The following SNX18 variants were observed in gnomAD, a reference collection of about 807,000 sequenced individuals.
The protein encoded by SNX18 is sorting nexin 18.
A neutral mutation model predicts 48.7 loss-of-function variants in SNX18; 35 were observed. The observed-to-expected ratio is 0.72, with a 90% CI of 0.55 to 0.95. The LOEUF (loss-of-function observed/expected upper bound fraction) is 0.95, where lower values mean the gene tolerates loss of function less well. Among genes scored for constraint, SNX18 ranks in the 40% least tolerant of loss-of-function variants. The pLI is 0.00. For synonymous variants in SNX18, 492 were observed against 384.7 expected, an observed-to-expected ratio of 1.28 and a Z score of -3.26; for missense variants, 824 against 871.0, an observed-to-expected ratio of 0.95 and a Z score of 0.68.
the SNX18 span, among the ~76,000 whole-genome samples, chr5:54,625,101 T>A: frequency 6.6e-6 from 1 of 152,166 alleles, no homozygotes; most frequent in East Asian, 1.9e-4. Context: ...TGTTTTCGAG[T>A]ACCAGAATTC....
chr5:54,596,149 C>A, the SNX18 span, among the ~76,000 whole-genome samples: 1 of 152,306 alleles, frequency 6.6e-6, no homozygotes, highest in Admixed American at 6.5e-5. Context: ...AGAACCATTC[C>A]AGAGTCTTGG....
chr5:54,520,170 T>C (rs952519040), intron 1 of SNX18: 4 of 252,704 alleles, frequency 1.6e-5, no homozygotes, highest in East Asian at 1.7e-4. Context: ...GTTTGAAATC[T>C]ATTAATGTAC....
chr5:54,586,454 AT>A, the SNX18 span, among the ~76,000 whole-genome samples: 2 of 151,768 alleles, frequency 1.3e-5, no homozygotes, highest in Non-Finnish European at 2.9e-5. Flanking sequence ...AGAAAAAAAA[AT>A]GTTGATTTGA....
chr5:54,614,313 A>T, the SNX18 span, among the ~76,000 whole-genome samples: 2 of 152,194 alleles, frequency 1.3e-5, no homozygotes, highest in Non-Finnish European at 2.9e-5. Flanking sequence ...TGATAAGACC[A>T]GCAGGCAGAT....
At chr5:54,552,806 C>G in the SNX18 span, among the ~76,000 whole-genome samples, 2 of 151,470 alleles carry the variant, frequency 1.3e-5, no homozygotes, top group African/African-American at 4.9e-5. Flanking sequence ...GATTAGTGAA[C>G]TAGATGATAT....
the SNX18 span, among the ~76,000 whole-genome samples, chr5:54,566,915 C>T: frequency 2.8e-4 from 42 of 152,358 alleles, no homozygotes; most frequent in Admixed American, 6.5e-4. Flanking sequence ...GACTCCCCAT[C>T]CCGACTTCAG....
At chr5:54,622,681 C>T in the SNX18 span, among the ~76,000 whole-genome samples, 1 of 150,532 alleles carries the variant, frequency 6.6e-6, no homozygotes, top group Non-Finnish European at 1.5e-5. Flanking sequence ...CATTCACACA[C>T]CTGTTAGCTA....
chr5:54,535,105 A>G (rs911995120), intron 1 of SNX18, among the ~76,000 whole-genome samples: 1 of 152,164 alleles, frequency 6.6e-6, no homozygotes, highest in Non-Finnish European at 1.5e-5. Flanking sequence ...TCATTGTTTT[A>G]TATTCATTGC....
chr5:54,634,975 A>G, the SNX18 span, among the ~76,000 whole-genome samples: 1 of 152,102 alleles, frequency 6.6e-6, no homozygotes, highest in Non-Finnish European at 1.5e-5. Context: ...TTGAACTTAC[A>G]ATTTTGCAAT....
At chr5:54,537,990 C>T (rs1478062422) in intron 1 of SNX18, among the ~76,000 whole-genome samples, 1 of 152,186 alleles carries the variant, frequency 6.6e-6, no homozygotes, top group African/African-American at 2.4e-5. Context: ...CTAGAAGTAG[C>T]AAGTCTATGA....
intron 1 of SNX18, among the ~76,000 whole-genome samples, chr5:54,536,020 CTT>C (rs1438216237): frequency 6.6e-6 from 1 of 152,132 alleles, no homozygotes; most frequent in African/African-American, 2.4e-5. Context: ...TCAACCAAAA[CTT>C]CACTCTCAAC....
chr5:54,636,731 A>G, the SNX18 span, among the ~76,000 whole-genome samples: 57 of 152,388 alleles, frequency 3.7e-4, no homozygotes, highest in African/African-American at 1.3e-3. Context: ...ATTTTAAATT[A>G]GTAAAAATAA....
the SNX18 span, among the ~76,000 whole-genome samples, chr5:54,605,744 C>T: frequency 6.6e-6 from 1 of 152,132 alleles, no homozygotes; most frequent in East Asian, 1.9e-4. Context: ...ACTGAAGCCT[C>T]GAACTCCTGG....
the SNX18 span, among the ~76,000 whole-genome samples, chr5:54,576,943 G>A: frequency 2.0e-5 from 3 of 151,866 alleles, no homozygotes; most frequent in South Asian, 2.1e-4. Flanking sequence ...CTGGGATTAC[G>A]GGCGCCCACC....
chr5:54,634,355 G>A, the SNX18 span, among the ~76,000 whole-genome samples: 1 of 152,164 alleles, frequency 6.6e-6, no homozygotes, highest in African/African-American at 2.4e-5. Context: ...ATTCAGGAAA[G>A]AGGGGCAGAG....
At chr5:54,636,285 TTTTTCA>T in the SNX18 span, among the ~76,000 whole-genome samples, 1 of 152,152 alleles carries the variant, frequency 6.6e-6, no homozygotes, top group Admixed American at 6.5e-5. Flanking sequence ...CTGATATCAC[TTTTTCA>T]TTTTCACAAC....
the SNX18 span, among the ~76,000 whole-genome samples, chr5:54,601,945 G>C: frequency 2.0e-5 from 3 of 152,214 alleles, no homozygotes; most frequent in African/African-American, 7.2e-5. Flanking sequence ...GTGGTTTTAA[G>C]ACACGTCTGG....
At chr5:54,567,425 A>C in the SNX18 span, among the ~76,000 whole-genome samples, 4 of 152,134 alleles carry the variant, frequency 2.6e-5, no homozygotes, top group African/African-American at 9.7e-5. Context: ...TGCTGCACCC[A>C]AGATGGGGAT....
At chr5:54,548,075 C>G (rs747540940), downstream of SNX18, among the ~76,000 whole-genome samples, 23 of 152,168 alleles carry the variant, frequency 1.5e-4, no homozygotes, top group Admixed American at 5.2e-4. Flanking sequence ...GGGATTGGCT[C>G]ATGGCTATAG....
Sources: gnomAD v4.1 joint callset for allele counts (sites outside exome capture counted in the v4.1 genomes callset) on GRCh38, gnomAD v4.1.1 for gene constraint, MANE v1.5 for transcripts, NCBI Gene and HGNC (gene_info 2026-07-23, HGNC 2026-07-21) for gene names.